The following AKAP6 variants were observed in gnomAD, a reference collection of about 807,000 sequenced individuals.
AKAP6 encodes A-kinase anchoring protein 6.
Under a neutral mutation model 188.5 loss-of-function variants are expected in AKAP6, and 58 were observed. That is an observed-to-expected ratio of 0.31 (90% CI 0.25 to 0.38). The LOEUF is 0.38. AKAP6 is among the 10% of genes least tolerant of loss of function. AKAP6 has a pLI of 1.00. For missense variants in AKAP6, 2,710 were observed against 2,740.0 expected, an observed-to-expected ratio of 0.99 and a Z score of 0.24; for synonymous variants, 989 against 998.6, an observed-to-expected ratio of 0.99 and a Z score of 0.18.
chr14:32,480,096 G>A (rs144150279), intron 2 of AKAP6, among the ~76,000 whole-genome samples: 9 of 152,114 alleles, frequency 5.9e-5, no homozygotes, highest in Non-Finnish European at 1.3e-4. Context: ...TGGAGTTGGG[G>A]TTTGTGTCTC....
intron 9 of AKAP6, among the ~76,000 whole-genome samples, chr14:32,701,614 TG>T (rs1594861972): frequency 6.6e-6 from 1 of 152,152 alleles, no homozygotes; most frequent in East Asian, 1.9e-4. Context: ...AGAAGAAGTA[TG>T]GAACATAGTT....
chr14:32,636,950 A>G (rs1887520247), intron 7 of AKAP6, among the ~76,000 whole-genome samples: 1 of 152,022 alleles, frequency 6.6e-6, no homozygotes, highest in South Asian at 2.1e-4. Flanking sequence ...CACAAAATGG[A>G]GTCAGGGAAG....
chr14:32,438,153 G>A (rs1382240134), intron 2 of AKAP6, among the ~76,000 whole-genome samples: 2 of 152,258 alleles, frequency 1.3e-5, no homozygotes, highest in East Asian at 3.9e-4. Context: ...TAGGACAAAG[G>A]CATTGGATGA....
chr14:32,710,798 T>C (rs368485946), intron 9 of AKAP6, among the ~76,000 whole-genome samples: 6 of 152,096 alleles, frequency 3.9e-5, no homozygotes, highest in African/African-American at 1.4e-4. Context: ...ACCTGGTCCT[T>C]GGTAAATAGT....
chr14:32,553,366 G>A (rs1210345621), intron 4 of AKAP6, among the ~76,000 whole-genome samples: 1 of 151,964 alleles, frequency 6.6e-6, no homozygotes, highest in South Asian at 2.1e-4. Context: ...TAGAAACGGG[G>A]TTTCATCACG....
rs761470045 is a variant in AKAP6 at position 32,546,417 on chromosome 14, A to G, written c.1764A>G (p.Ser588=). 10 of 1,614,242 alleles carry G rather than the reference A, an allele frequency of 6.2e-6. No homozygotes were observed. The highest frequency in any genetic ancestry group is 3.3e-5 in the Admixed American group (2 of 60,028). ...FTQSSESSVG[S]DNIMSPVPLL... is the part of the protein sequence containing the mutation. ...AGAGCAGTGAATCCTCTGTTGGCTC[A>G]GACAACATCATGTCTCCGGTGCCAC... Residue 588 remains serine, a synonymous_variant, in exon 4 of 14, where the codon TCA becomes TCG. Coordinates refer to ENST00000280979, the MANE Select transcript of AKAP6 (RefSeq NM_004274.5).
chr14:32,700,616 C>G (rs1890582857), intron 9 of AKAP6, among the ~76,000 whole-genome samples: 1 of 152,116 alleles, frequency 6.6e-6, no homozygotes, highest in Admixed American at 6.5e-5. Flanking sequence ...TACACAAATA[C>G]TTACCATTGT....
intron 2 of AKAP6, among the ~76,000 whole-genome samples, chr14:32,467,508 T>C (rs934922231): frequency 6.6e-6 from 1 of 152,182 alleles, no homozygotes; most frequent in African/African-American, 2.4e-5. Context: ...AAACCTGTAG[T>C]GAAGCATTAT....
At chr14:32,751,679 A>T (rs1345966091) in intron 11 of AKAP6, among the ~76,000 whole-genome samples, 1 of 34,840 alleles carries the variant, frequency 2.9e-5, no homozygotes, top group Non-Finnish European at 2.4e-4. Flanking sequence ...CTTCACTTAA[A>T]AAAAAATCTA....
At chr14:32,482,496 C>G (rs888504365) in intron 2 of AKAP6, among the ~76,000 whole-genome samples, 1 of 152,154 alleles carries the variant, frequency 6.6e-6, no homozygotes. Flanking sequence ...CCTGACCACT[C>G]TATATAAAGC....
chr14:32,442,055 G>A (rs1890593215), intron 2 of AKAP6, among the ~76,000 whole-genome samples: 1 of 152,178 alleles, frequency 6.6e-6, no homozygotes, highest in Non-Finnish European at 1.5e-5. Context: ...ACCAGAGGTA[G>A]GATATGAGTT....
intron 1 of AKAP6, among the ~76,000 whole-genome samples, chr14:32,340,659 T>G (rs1886861222): frequency 6.6e-6 from 1 of 152,238 alleles, no homozygotes. Context: ...ATTTATTATC[T>G]TAGTTCATTT....
At chr14:32,579,058 C>T (rs1466283554) in intron 5 of AKAP6, among the ~76,000 whole-genome samples, 2 of 152,222 alleles carry the variant, frequency 1.3e-5, no homozygotes, top group Admixed American at 1.3e-4. Flanking sequence ...GTGGCTAATG[C>T]AACTGAAGAA....
chr14:32,447,014 C>T (rs1890776873), intron 2 of AKAP6, among the ~76,000 whole-genome samples: 1 of 151,932 alleles, frequency 6.6e-6, no homozygotes, highest in South Asian at 2.1e-4. Flanking sequence ...TTATGTTTTC[C>T]TCTCCTCATG....
chr14:32,713,092 G>C (rs2029983911), intron 9 of AKAP6, among the ~76,000 whole-genome samples: 1 of 152,060 alleles, frequency 6.6e-6, no homozygotes, highest in South Asian at 2.1e-4. Flanking sequence ...GAAAACAGTA[G>C]TAATCTCCTT....
intron 7 of AKAP6, among the ~76,000 whole-genome samples, chr14:32,617,412 G>A (rs528361736): frequency 6.6e-6 from 1 of 152,004 alleles, no homozygotes; most frequent in Non-Finnish European, 1.5e-5. Flanking sequence ...CTCATTTATA[G>A]CACTTATCAC....
At chr14:32,780,157 CAT>C (rs59506546) in intron 12 of AKAP6, among the ~76,000 whole-genome samples, 12 of 119,366 alleles carry the variant, frequency 1.0e-4, no homozygotes, top group East Asian at 2.4e-4. Context: ...AAAAAAAAAA[CAT>C]ATATATATAT....
intron 7 of AKAP6, among the ~76,000 whole-genome samples, chr14:32,614,508 A>C (rs1203547607): frequency 6.6e-6 from 1 of 152,206 alleles, no homozygotes. Context: ...ATTTGATATT[A>C]GGAAGTACAG....
chr14:32,596,430 T>G (rs1327181167), intron 5 of AKAP6, among the ~76,000 whole-genome samples: 1 of 152,222 alleles, frequency 6.6e-6, no homozygotes, highest in East Asian at 1.9e-4. Flanking sequence ...GAGGTTATAG[T>G]AATAGAAATG....
Sources: allele counts gnomAD v4.1 joint callset (sites outside exome capture counted in the v4.1 genomes callset), GRCh38; gene constraint gnomAD v4.1.1; transcripts MANE v1.5; gene names NCBI Gene and HGNC (gene_info 2026-07-23, HGNC 2026-07-21).